The following DDX20 variants were observed in gnomAD, a reference collection of about 807,000 sequenced individuals.
DDX20 encodes the protein probable ATP-dependent RNA helicase DDX20.
A neutral mutation model predicts 76.4 loss-of-function variants in DDX20; 61 were observed. That is an observed-to-expected ratio of 0.80 (90% CI 0.65 to 0.99). DDX20 has a LOEUF of 0.99. Among genes scored for constraint, DDX20 ranks in the 50% least tolerant of loss-of-function variants. DDX20 has a pLI of 0.00. For synonymous variants in DDX20, 357 were observed against 357.4 expected, an observed-to-expected ratio of 1.00 and a Z score of 0.01; for missense variants, 976 against 996.8, an observed-to-expected ratio of 0.98 and a Z score of 0.28.
chr1:111,760,226 T>C (rs1332233711), intron 3 of DDX20, among the ~76,000 whole-genome samples: 3 of 152,182 alleles, frequency 2.0e-5, no homozygotes, highest in African/African-American at 7.2e-5. Flanking sequence ...TTGCATTCAG[T>C]GCTTTAGGTC....
Position 111,766,262 on chromosome 1 carries a change from T to A in DDX20, c.1838T>A (p.Ile613Asn). The A allele has an allele frequency of 6.2e-7, 1 of 1,614,158 alleles. No individual in the cohort carries two copies. Among genetic ancestry groups the A allele is most frequent in the Non-Finnish European group, 8.5e-7 (1 of 1,180,024 alleles). ...GGGTTAGAGAAACCTGTGGAAATCA[T>A]CAGGCACTACACAGGCCCTGGGGAT... ...KEGLEKPVEI[I>N]RHYTGPGDQT... The change falls in exon 11 of 11, where the codon ATC (isoleucine) becomes AAC (asparagine). Residue 613 changes from isoleucine to asparagine, a missense_variant. Ile to Asn is a moderately radical substitution (Grantham distance 149). Around this residue, in one of 3 missense-constraint regions of DDX20, gnomAD observed 630 missense variants for 693.7 expected, o/e 0.91. Transcript: ENST00000369702.
Position 111,759,490 on chromosome 1 carries a change from C to A in DDX20, c.487C>A (p.His163Asn), listed in dbSNP as rs138070637. Residue 163 changes from histidine (H) to asparagine (N), a missense_variant, in exon 3 of 11, where the codon CAT (histidine) becomes AAT (asparagine). Coordinates refer to ENST00000369702, the MANE Select transcript of DDX20 (RefSeq NM_007204.5). ...IGIKMEGLEC[H>N]VFIGGTPLSQ... is the part of the protein sequence containing the mutation. ...AATAAAAATGGAAGGCTTAGAGTGT[C>A]ATGTCTTTATTGGAGGGACCCCATT... 23 of 1,613,682 alleles carry A rather than the reference C, an allele frequency of 1.4e-5. No individual in the cohort carries two copies. The highest frequency in any genetic ancestry group is 4.0e-5 in the African/African-American group (3 of 74,880).
At chr1:111,757,648 G>A (rs189893642) in intron 2 of DDX20, among the ~76,000 whole-genome samples, 5 of 152,208 alleles carry the variant, frequency 3.3e-5, no homozygotes, top group Non-Finnish European at 4.4e-5. Flanking sequence ...CTTCAACAGT[G>A]GTTTTTAACC....
At chr1:111,761,326 C>T (rs1273866017) in intron 7 of DDX20, 42 bp downstream of exon 7, 6 of 1,540,584 alleles carry the variant, frequency 3.9e-6, no homozygotes, top group Admixed American at 1.8e-5. Flanking sequence ...AGTATACTGA[C>T]TTGAAGCCTC....
At chr1:111,764,713 G>A (rs1445415544) in intron 10 of DDX20, among the ~76,000 whole-genome samples, 1 of 152,176 alleles carries the variant, frequency 6.6e-6, no homozygotes, top group African/African-American at 2.4e-5. Context: ...ACTGGAAAAT[G>A]ATATATTTGG....
In DDX20 at chr1:111,762,618, T is replaced by C. The variant is rs527851045; in HGVS notation, c.1105-59T>C. 824 of 1,363,544 alleles carry C rather than the reference T, an allele frequency of 6.0e-4. 2 individuals are homozygous for C. Among genetic ancestry groups the C allele is most frequent in the Middle Eastern group, 1.8e-3 (10 of 5,560 alleles). The allele number at this position is 1,363,544 out of a possible 1,614,324, so 84.5% of individuals were successfully genotyped here. On this transcript the variant is annotated intron_variant, in intron 8 of 10. Transcript: ENST00000369702. ...CTGTACTGGAAGAATATAATATGCA[T>C]TGGTATCCATGCTGTATAGTTAATG...
intron 10 of DDX20, among the ~76,000 whole-genome samples, chr1:111,764,593 GTC>G (rs1232440538): frequency 2.6e-5 from 4 of 152,168 alleles, no homozygotes; most frequent in African/African-American, 9.7e-5. Flanking sequence ...CTGTGTATAA[GTC>G]TATTCGTAGT....
Position 111,766,521 on chromosome 1 carries a change from A to G in DDX20, c.2097A>G (p.Pro699=). ...PVDDRISLEQ[P]PNGSDTPNPE... Reference sequence around the variant, plus strand: ...ATGATCGTATTTCTTTGGAACAACCACCAAATGGAAGTGACACCCCCAATC... The same window carrying G: ...ATGATCGTATTTCTTTGGAACAACCGCCAAATGGAAGTGACACCCCCAATC... Residue 699 remains proline (P), a synonymous_variant, in exon 11 of 11, where the codon CCA becomes CCG. Coordinates refer to ENST00000369702, the MANE Select transcript of DDX20 (RefSeq NM_007204.5). The G allele has an allele frequency of 6.2e-7, 1 of 1,614,128 alleles. No individual in the cohort carries two copies. Among genetic ancestry groups the G allele is most frequent in the Non-Finnish European group, 8.5e-7 (1 of 1,179,990 alleles).
rs770660989 is a variant in DDX20, at chr1:111,765,906, T to C, written c.1482T>C (p.Ala494=). The C allele has an allele frequency of 5.0e-6, 8 of 1,613,740 alleles. No homozygotes were observed. The highest frequency in any genetic ancestry group is 6.8e-6 in the Non-Finnish European group (8 of 1,179,954). ...AGAAAGCTCATGGTGACCACATGGC[T>C]TCCTCTAGAAATAATTCTGTATCTG... ...QIQKAHGDHM[A]SSRNNSVSGL... is the part of the protein sequence containing the mutation. Residue 494 remains alanine, a synonymous_variant, in exon 11 of 11, where the codon GCT becomes GCC. Transcript: ENST00000369702.
intron 7 of DDX20, chr1:111,761,663 A>G (rs1184578770): frequency 6.3e-6 from 1 of 158,472 alleles, no homozygotes; most frequent in Non-Finnish European, 1.4e-5. Context: ...TGCTAACTGA[A>G]TTGACTGTTT....
In DDX20 at chr1:111,760,464, T is replaced by G. The variant is rs1332403537; in HGVS notation, c.566-10T>G. 6.4e-6 allele frequency: 10 copies of G among 1,555,036 alleles called. No individual in the cohort carries two copies. The highest frequency in any genetic ancestry group is 8.7e-6 in the Non-Finnish European group (10 of 1,151,400). ...CATCATAAATATTTCAATTTTTTTT[T>G]TTTAATTAGGCAGAATTAAGCAACT... On this transcript the variant is annotated splice_polypyrimidine_tract_variant and intron_variant, in intron 3 of 10. Transcript: ENST00000369702.
chr1:111,757,469 C>T (rs952773487), intron 2 of DDX20, among the ~76,000 whole-genome samples: 3 of 152,168 alleles, frequency 2.0e-5, no homozygotes, highest in African/African-American at 7.2e-5. Flanking sequence ...GTTTGGGGAT[C>T]ATTTCTCCAA....
At chr1:111,757,115 G>A (rs1381378027) in intron 2 of DDX20, among the ~76,000 whole-genome samples, 1 of 151,264 alleles carries the variant, frequency 6.6e-6, no homozygotes, top group Non-Finnish European at 1.5e-5. Context: ...GTGCAGTGGC[G>A]GATCATTGCT....
chr1:111,756,692 C>G lies in DDX20; in HGVS notation c.348C>G (p.Phe116Leu), dbSNP rs776023712. The G allele has an allele frequency of 1.2e-6, 2 of 1,614,128 alleles. No homozygotes were observed. Among genetic ancestry groups the G allele is most frequent in the Non-Finnish European group, 1.7e-6 (2 of 1,180,016 alleles). The change falls in exon 2 of 11, where the codon TTC (phenylalanine) becomes TTG (leucine). Residue 116 changes from phenylalanine to leucine, a missense_variant. Around this residue, in one of 3 missense-constraint regions of DDX20, gnomAD observed 343 missense variants for 286.4 expected, o/e 1.20. Transcript: ENST00000369702. ...AKSGTGKTCV[F>L]STIALDSLVL... ...CTGGCACCGGGAAAACCTGTGTGTTCTCCACCATAGCTTTGGACTCTCTTG... is the reference window on the plus strand; with the variant it reads ...CTGGCACCGGGAAAACCTGTGTGTTGTCCACCATAGCTTTGGACTCTCTTG...
chr1:111,755,971 C>G lies in DDX20; in HGVS notation c.47C>G (p.Thr16Ser). 6.3e-7 allele frequency: 1 copy of G among 1,598,702 alleles called. No individual in the cohort carries two copies. The highest frequency in any genetic ancestry group is 1.3e-5 in the African/African-American group (1 of 74,708). The change falls in exon 1 of 11, where the codon ACT becomes AGT. Residue 16 changes from threonine to serine, a missense_variant. Thr to Ser is a moderately conservative substitution (Grantham distance 58). Transcript: ENST00000369702. ...EASGALAAVA[T>S]AMPAEHVAVQ... Reference sequence around the variant, plus strand: ...TCGGGAGCCTTAGCAGCAGTGGCGACTGCTATGCCGGCTGAGCATGTGGCC... The same window carrying G: ...TCGGGAGCCTTAGCAGCAGTGGCGAGTGCTATGCCGGCTGAGCATGTGGCC...
Position 111,760,853 on chromosome 1 carries a change from G to A in DDX20, c.823+5G>A. 2.5e-6 allele frequency: 4 copies of A among 1,606,010 alleles called. No homozygotes were observed. Among genetic ancestry groups the A allele is most frequent in the Non-Finnish European group, 3.4e-6 (4 of 1,176,988 alleles). On this transcript the variant is annotated splice_donor_5th_base_variant and intron_variant, in intron 5 of 10. Transcript: ENST00000369702. ...CCAGTGATCCAAGTCTCATAGGTGT[G>A]TACAGCTTTTAGGTACTTATATTAT...
chr1:111,766,731 C>T lies in DDX20; in HGVS notation c.2307C>T (p.Thr769=). Residue 769 remains threonine (T), a synonymous_variant, in exon 11 of 11, where the codon ACC becomes ACT. Transcript: ENST00000369702. ...AAATACGTCTGAGTTTTTCTGATAC[C>T]TATCAGGATTATGAGGAGTACTGGA... ...HREIRLSFSD[T]YQDYEEYWRA... 1 of 1,614,130 alleles carries T rather than the reference C, an allele frequency of 6.2e-7. No homozygotes were observed. The highest frequency in any genetic ancestry group is 8.5e-7 in the Non-Finnish European group (1 of 1,179,976).
chr1:111,758,425 C>T (rs1423983465), intron 2 of DDX20, among the ~76,000 whole-genome samples: 1 of 148,498 alleles, frequency 6.7e-6, no homozygotes, highest in Non-Finnish European at 1.5e-5. Flanking sequence ...GTTTTCTCCT[C>T]CTCCAGTAGT....
rs1459318246 is a variant in DDX20 at position 111,767,796 on chromosome 1, T to G, written c.*897T>G. ...CAAGTGACCTGCTCTGCTGGTAGGC[T>G]AGGGGAAGTTCTAGCTCTTAGTTTT... On this transcript the variant is annotated 3_prime_UTR_variant, in exon 11 of 11. Coordinates refer to ENST00000369702, the MANE Select transcript of DDX20 (RefSeq NM_007204.5). 6.6e-6 allele frequency: 1 copy of G among 152,218 alleles called. No individual in the cohort carries two copies. The highest frequency in any genetic ancestry group is 1.5e-5 in the Non-Finnish European group (1 of 68,042). 9.4% of individuals were successfully genotyped at this position (152,218 alleles called of 1,614,324 possible).
Sources: allele counts gnomAD v4.1 joint callset (sites outside exome capture counted in the v4.1 genomes callset), GRCh38; gene constraint gnomAD v4.1.1; regional missense constraint gnomAD v4.1.1; transcripts MANE v1.5; gene names NCBI Gene and HGNC (gene_info 2026-07-23, HGNC 2026-07-21).